TBC1D2B: variants seen among roughly 807,000 people sequenced by gnomAD.
The protein encoded by TBC1D2B is TBC1 domain family, member 2B.
A neutral mutation model predicts 100.8 loss-of-function variants in TBC1D2B; 64 were observed. The observed-to-expected ratio is 0.64, with a 90% CI of 0.52 to 0.78. TBC1D2B has a LOEUF of 0.78. Ranked by LOEUF, TBC1D2B falls within the 30% of genes least tolerant of loss-of-function variation. The probability of loss-of-function intolerance (pLI) is 0.00; values close to 1 mark genes in which losing one functional copy is unlikely to be tolerated. For missense variants in TBC1D2B, 1,052 were observed against 1,218.4 expected, an observed-to-expected ratio of 0.86 and a Z score of 2.03; for synonymous variants, 480 against 479.7, an observed-to-expected ratio of 1.00 and a Z score of -0.01.
chr15:78,075,594 AG>A (rs1273040854), intron 1 of TBC1D2B, among the ~76,000 whole-genome samples: 3 of 152,346 alleles, frequency 2.0e-5, no homozygotes, highest in South Asian at 2.1e-4. Flanking sequence ...CGTCCGACAC[AG>A]GGACAGCCCG....
chr15:78,034,889 A>T (rs1488983992), intron 3 of TBC1D2B, among the ~76,000 whole-genome samples: 1 of 152,204 alleles, frequency 6.6e-6, no homozygotes, highest in Non-Finnish European at 1.5e-5. Context: ...GACTTCTCAG[A>T]CACACTCACC....
chr15:78,058,981 C>G (rs976631466), intron 1 of TBC1D2B, among the ~76,000 whole-genome samples: 1 of 152,222 alleles, frequency 6.6e-6, no homozygotes, highest in African/African-American at 2.4e-5. Context: ...AGGTCCAATG[C>G]AAAGGCCACC....
At chr15:78,034,939 G>A (rs1368781690) in intron 3 of TBC1D2B, among the ~76,000 whole-genome samples, 6 of 152,154 alleles carry the variant, frequency 3.9e-5, no homozygotes, top group Admixed American at 2.6e-4. Context: ...TGGCAACTAC[G>A]TGTCCTGCCT....
chr15:78,013,377 G>A (rs2072286267), intron 8 of TBC1D2B, 60 bp from the exon 9 acceptor site: 2 of 1,451,958 alleles, frequency 1.4e-6, no homozygotes, highest in East Asian at 2.5e-5. Flanking sequence ...AAAGACCAAT[G>A]CAACAGAAAT....
intron 1 of TBC1D2B, among the ~76,000 whole-genome samples, chr15:78,069,834 C>A (rs2073717152): frequency 6.6e-6 from 1 of 152,164 alleles, no homozygotes; most frequent in Non-Finnish European, 1.5e-5. Flanking sequence ...TAGAAGGCAC[C>A]ACCTCTAAAG....
Position 78,011,798 on chromosome 15 carries a change from GCCA to G in TBC1D2B, c.2270+1022_2270+1024del, listed in dbSNP as rs747216316. Among the ~76,000 whole-genome samples, 42 of 151,944 alleles carry G rather than the reference GCCA, an allele frequency of 2.8e-4. No homozygotes were observed. In the Middle Eastern group the frequency reaches 0.017, roughly 62 times the overall value. On this transcript the variant is annotated intron_variant, in intron 9 of 12. Transcript: ENST00000300584. Reference sequence around the variant, plus strand: ...CGAGTAGCTGGGATTACAGGCATGTGCCACCGTCTGGCAAATTTTTGTATTTTT... The same window carrying G: ...CGAGTAGCTGGGATTACAGGCATGTGCCGTCTGGCAAATTTTTGTATTTTT...
In TBC1D2B at chr15:77,998,177, C is replaced by T. The variant is rs938662776; in HGVS notation, c.2875G>A (p.Glu959Lys). 1.0e-5 allele frequency: 16 copies of T among 1,543,364 alleles called. No homozygotes were observed. Among genetic ancestry groups the T allele is most frequent in the Non-Finnish European group, 1.3e-5 (15 of 1,142,188 alleles). The change falls in exon 13 of 13, where the codon GAG becomes AAG. Residue 959 changes from glutamate (E) to lysine (K), a missense_variant. Transcript: ENST00000300584. ...GAGCCCACTCAGGTATCCTCCTCCT[C>T]GTCACTGACCAGCTCACCCTTGTCA... ...SPDKGELVSD[E>K]EEDT
Position 78,024,279 on chromosome 15 carries a change from G to A in TBC1D2B, c.1347C>T (p.Ala449=). The A allele has an allele frequency of 6.2e-7, 1 of 1,614,044 alleles. No homozygotes were observed. The highest frequency in any genetic ancestry group is 8.5e-7 in the Non-Finnish European group (1 of 1,179,908). ...QLGMLMETIQ[A]KDEVIIKLSE... Reference sequence around the variant, plus strand: ...TGAGCTTGATGATGACCTCGTCCTTGGCTTGGATGGTCTCCATGAGCATTC... The same window carrying A: ...TGAGCTTGATGATGACCTCGTCCTTAGCTTGGATGGTCTCCATGAGCATTC... The change falls in exon 6 of 13, where the codon GCC becomes GCT. Residue 449 remains alanine (A), a synonymous_variant. Coordinates refer to ENST00000300584, the MANE Select transcript of TBC1D2B (RefSeq NM_144572.2).
chr15:78,003,152 TG>T, intron 11 of TBC1D2B, 152 bp downstream of exon 11: 1 of 625,150 alleles, frequency 1.6e-6, no homozygotes, highest in Non-Finnish European at 2.8e-6. Context: ...CCTGATACCC[TG>T]GACCCAGATC....
intron 9 of TBC1D2B, among the ~76,000 whole-genome samples, chr15:78,012,392 G>A (rs571586270): frequency 1.3e-5 from 2 of 152,336 alleles, no homozygotes; most frequent in African/African-American, 4.8e-5. Flanking sequence ...ACAAGTTTAA[G>A]TCCATGAAGG....
chr15:78,017,706 T>A, intron 7 of TBC1D2B, 141 bp downstream of exon 7: 1 of 555,364 alleles, frequency 1.8e-6, no homozygotes, highest in Non-Finnish European at 3.2e-6. Flanking sequence ...ATGTATTATA[T>A]GTATTTTAAA....
At chr15:78,064,561 A>G (rs1054630591) in intron 1 of TBC1D2B, among the ~76,000 whole-genome samples, 1 of 152,212 alleles carries the variant, frequency 6.6e-6, no homozygotes, top group Non-Finnish European at 1.5e-5. Context: ...AGAAATGTCT[A>G]AAGTAATTTC....
chr15:78,073,898 G>A (rs1454611026), intron 1 of TBC1D2B, among the ~76,000 whole-genome samples: 1 of 151,276 alleles, frequency 6.6e-6, no homozygotes, highest in African/African-American at 2.4e-5. Context: ...GAACCCGGGA[G>A]CCAGAGGTTG....
intron 1 of TBC1D2B, among the ~76,000 whole-genome samples, chr15:78,076,434 C>T (rs2073830057): frequency 6.6e-6 from 1 of 152,196 alleles, no homozygotes; most frequent in Non-Finnish European, 1.5e-5. Flanking sequence ...TCTAAGGGCC[C>T]TGCCATCTGA....
chr15:78,073,333 A>T (rs4887002), intron 1 of TBC1D2B, among the ~76,000 whole-genome samples: 3 of 152,150 alleles, frequency 2.0e-5, no homozygotes, highest in African/African-American at 7.2e-5. Context: ...CTCCAGAGAG[A>T]GCTGAAAGAC....
chr15:78,031,838 T>C (rs560403288), intron 3 of TBC1D2B, among the ~76,000 whole-genome samples: 19 of 152,278 alleles, frequency 1.2e-4, no homozygotes, highest in African/African-American at 4.6e-4. Context: ...GGTTTTTGGA[T>C]ATTGGCCATC....
At chr15:78,074,061 T>C (rs1033347121) in intron 1 of TBC1D2B, among the ~76,000 whole-genome samples, 1 of 151,450 alleles carries the variant, frequency 6.6e-6, no homozygotes, top group Non-Finnish European at 1.5e-5. Context: ...TCTCACTCTG[T>C]CGCTCAGGCT....
chr15:78,073,102 C>G (rs754784093), intron 1 of TBC1D2B, among the ~76,000 whole-genome samples: 1 of 152,186 alleles, frequency 6.6e-6, no homozygotes, highest in African/African-American at 2.4e-5. Context: ...ACATTTTAGA[C>G]ATTCACTATT....
At chr15:77,999,103 A>T in intron 12 of TBC1D2B, 1 of 338,090 alleles carries the variant, frequency 3.0e-6, no homozygotes, top group South Asian at 2.2e-5. Context: ...GGATCACAAA[A>T]TAGGCCAGTT....
Sources: gnomAD v4.1 joint callset for allele counts (sites outside exome capture counted in the v4.1 genomes callset) on GRCh38, gnomAD v4.1.1 for gene constraint, MANE v1.5 for transcripts, NCBI Gene and HGNC (gene_info 2026-07-23, HGNC 2026-07-21) for gene names.